The following PDE7A variants were observed in gnomAD, a reference collection of about 807,000 sequenced individuals.
PDE7A encodes the protein phosphodiesterase 7A, also known as high affinity 3',5'-cyclic-AMP phosphodiesterase 7A.
Under a neutral mutation model 64.3 loss-of-function variants are expected in PDE7A, and 39 were observed. The observed-to-expected ratio is 0.61, with a 90% CI of 0.47 to 0.79. PDE7A has a LOEUF of 0.79. Among genes scored for constraint, PDE7A ranks in the 30% least tolerant of loss-of-function variants. The probability of loss-of-function intolerance (pLI) is 0.00; values close to 1 mark genes in which losing one functional copy is unlikely to be tolerated. For synonymous variants in PDE7A, 203 were observed against 206.8 expected, an observed-to-expected ratio of 0.98 and a Z score of 0.16; for missense variants, 470 against 582.8, an observed-to-expected ratio of 0.81 and a Z score of 1.99.
In PDE7A at chr8:65,811,963, T is replaced by C. The variant is rs186995194; in HGVS notation, c.139-29120A>G. Among the ~76,000 whole-genome samples, 57 of 152,172 alleles carry C rather than the reference T, an allele frequency of 3.7e-4. No individual in the cohort carries two copies. The East Asian group carries it at 0.01, about 28-fold the overall frequency. ...GGCTCACACCTGTAATCCCAGCACT[T>C]TGGGAGGCCAAGGCAAGTGGATCAG... On this transcript the variant is annotated intron_variant, in intron 1 of 12. Transcript: ENST00000401827.
At chr8:65,753,059 ATTGT>A (rs1406983056) in intron 3 of PDE7A, among the ~76,000 whole-genome samples, 3 of 152,140 alleles carry the variant, frequency 2.0e-5, no homozygotes, top group Admixed American at 6.5e-5. Context: ...TGGTAAAGCT[ATTGT>A]TTAATTTAAT....
In PDE7A at chr8:65,745,429, A is replaced by T; in HGVS notation, c.477T>A (p.Phe159Leu). ...EKVGNWNFDI[F>L]LFDRLTNGNS... ...TACCATTTGTTAGTCTATCAAATAGAAAGATATCAAAATTCCAATTTCCAA... is the reference window on the plus strand; with the variant it reads ...TACCATTTGTTAGTCTATCAAATAGTAAGATATCAAAATTCCAATTTCCAA... The change falls in exon 5 of 13, where the codon TTT (phenylalanine) becomes TTA (leucine). Residue 159 changes from phenylalanine (F) to leucine (L), a missense_variant. Coordinates refer to ENST00000401827, the MANE Select transcript of PDE7A (RefSeq NM_001242318.3). 1 of 1,571,360 alleles carries T rather than the reference A, an allele frequency of 6.4e-7. No homozygotes were observed.
Position 65,715,107 on chromosome 8 carries a change from G to T in PDE7A, c.*4183C>A, listed in dbSNP as rs1806079368. Among the ~76,000 whole-genome samples, 1 of 152,052 alleles carries T rather than the reference G, an allele frequency of 6.6e-6. No individual in the cohort carries two copies. Among genetic ancestry groups the T allele is most frequent in the Non-Finnish European group, 1.5e-5 (1 of 68,004 alleles). ...GTGGCCATGTGTGTGAAAATTTTTAGTCTCCCATGTAAAATAAATTTTGCA... is the reference window on the plus strand; with the variant it reads ...GTGGCCATGTGTGTGAAAATTTTTATTCTCCCATGTAAAATAAATTTTGCA... On this transcript the variant is annotated 3_prime_UTR_variant, in exon 13 of 13. Transcript: ENST00000401827.
Position 65,771,415 on chromosome 8 carries a change from GAAGAA to G in PDE7A, c.283+8300_283+8304del, listed in dbSNP as rs749454378. On this transcript the variant is annotated intron_variant, in intron 3 of 12. Transcript: ENST00000401827. Reference sequence around the variant, plus strand: ...GCAGCACCCACAGATACAGCACATAGAAGAAATTAAAAAATTATGAATAGTTTTAA... The same window carrying G: ...GCAGCACCCACAGATACAGCACATAGATTAAAAAATTATGAATAGTTTTAA... Among the ~76,000 whole-genome samples, 30 of 152,104 alleles carry G rather than the reference GAAGAA, an allele frequency of 2.0e-4. No individual in the cohort carries two copies. The East Asian group carries it at 4.4e-3, about 22-fold the overall frequency.
chr8:65,767,608 A>G (rs964458489), intron 3 of PDE7A, among the ~76,000 whole-genome samples: 8 of 151,906 alleles, frequency 5.3e-5, no homozygotes, highest in African/African-American at 1.9e-4. Context: ...CTTGCCCCAT[A>G]CCCTGGGGGA....
intron 1 of PDE7A, among the ~76,000 whole-genome samples, chr8:65,832,304 A>C (rs1563524441): frequency 6.6e-6 from 1 of 152,350 alleles, no homozygotes; most frequent in African/African-American, 2.4e-5. Context: ...ACTATACTAC[A>C]TAATACTATA....
rs772286911 is a variant in PDE7A at position 65,726,980 on chromosome 8, C to T, written c.829-14G>A. On this transcript the variant is annotated splice_polypyrimidine_tract_variant and intron_variant, in intron 8 of 12. Transcript: ENST00000401827. ...TACTGAGGTATTCTACAACAAAGGA[C>T]GTTTCTGAGTTACTTAATGATACGT... 1.1e-5 allele frequency: 16 copies of T among 1,439,154 alleles called. No individual in the cohort carries two copies. The highest frequency in any genetic ancestry group is 1.7e-4 in the Middle Eastern group (1 of 5,736). 89.1% of individuals were successfully genotyped at this position (1,439,154 alleles called of 1,614,324 possible).
intron 5 of PDE7A, among the ~76,000 whole-genome samples, chr8:65,743,884 G>A (rs1294712289): frequency 6.6e-6 from 1 of 151,594 alleles, no homozygotes; most frequent in African/African-American, 2.4e-5. Flanking sequence ...CCAGGCTGGA[G>A]TGCAATGGCG....
intron 3 of PDE7A, among the ~76,000 whole-genome samples, chr8:65,778,144 C>T (rs1224729009): frequency 2.0e-5 from 3 of 152,182 alleles, no homozygotes; most frequent in Non-Finnish European, 4.4e-5. Flanking sequence ...CTCCATGACC[C>T]TGAGCAAGCT....
chr8:65,831,763 G>A lies in PDE7A; in HGVS notation c.138+9608C>T, dbSNP rs185533584. On this transcript the variant is annotated intron_variant, in intron 1 of 12. Coordinates refer to ENST00000401827, the MANE Select transcript of PDE7A (RefSeq NM_001242318.3). Reference sequence around the variant, plus strand: ...TGCTGTCTCAACAGTCACTGGTTGAGAATTTATAAACTCATGAGCTGCCCA... The same window carrying A: ...TGCTGTCTCAACAGTCACTGGTTGAAAATTTATAAACTCATGAGCTGCCCA... Among the ~76,000 whole-genome samples, 434 of 152,224 alleles carry A rather than the reference G, an allele frequency of 2.9e-3. 2 individuals carry two copies. Among genetic ancestry groups the A allele is most frequent in the Non-Finnish European group, 3.4e-3 (228 of 68,010 alleles).
At chr8:65,770,701 C>T (rs550144885) in intron 3 of PDE7A, among the ~76,000 whole-genome samples, 3 of 152,272 alleles carry the variant, frequency 2.0e-5, no homozygotes, top group African/African-American at 7.2e-5. Flanking sequence ...ATGATGACTC[C>T]ATTTGCATAC....
chr8:65,789,953 G>GT (rs1260896155), intron 1 of PDE7A, among the ~76,000 whole-genome samples: 1 of 152,238 alleles, frequency 6.6e-6, no homozygotes, highest in African/African-American at 2.4e-5. Context: ...AATTGCAACT[G>GT]TAACAAATGC....
In PDE7A at chr8:65,727,309, G is replaced by A. The variant is rs1372287699; in HGVS notation, c.697-8C>T. ...AGTTACAGAATTGGCAAGCTGAAGT[G>A]TGACAAAAGAATAATGAATCACAGA... is the stretch of plus-strand genomic sequence containing the variant. On this transcript the variant is annotated splice_polypyrimidine_tract_variant and splice_region_variant and intron_variant, in intron 7 of 12. Coordinates refer to ENST00000401827, the MANE Select transcript of PDE7A (RefSeq NM_001242318.3). 1 of 1,611,926 alleles carries A rather than the reference G, an allele frequency of 6.2e-7. No homozygotes were observed.
chr8:65,760,200 A>G (rs1286611963), intron 3 of PDE7A, among the ~76,000 whole-genome samples: 1 of 152,204 alleles, frequency 6.6e-6, no homozygotes, highest in Non-Finnish European at 1.5e-5. Flanking sequence ...AGATCGTGCT[A>G]CTGCACTCCA....
intron 5 of PDE7A, among the ~76,000 whole-genome samples, chr8:65,744,201 G>A (rs1490607349): frequency 6.6e-6 from 1 of 150,944 alleles, no homozygotes; most frequent in Non-Finnish European, 1.5e-5. Flanking sequence ...GAGATGCTTA[G>A]TTGTGTTACA....
At chr8:65,815,265 A>T (rs1053719564) in intron 1 of PDE7A, among the ~76,000 whole-genome samples, 1 of 152,212 alleles carries the variant, frequency 6.6e-6, no homozygotes, top group Non-Finnish European at 1.5e-5. Flanking sequence ...CTAACTTATA[A>T]GAGCCATTAA....
At chr8:65,823,385 T>C (rs1810588264) in intron 1 of PDE7A, among the ~76,000 whole-genome samples, 1 of 152,190 alleles carries the variant, frequency 6.6e-6, no homozygotes, top group African/African-American at 2.4e-5. Context: ...TCTTGTATGT[T>C]ATTATTATTT....
At chr8:65,769,247 C>CAAAAAAAA (rs61554087) in intron 3 of PDE7A, among the ~76,000 whole-genome samples, 4 of 74,448 alleles carry the variant, frequency 5.4e-5, no homozygotes, top group Non-Finnish European at 7.8e-5. Flanking sequence ...GACTCAGTCT[C>CAAAAAAAA]AAAAAAAAAA....
At chr8:65,833,072 G>T (rs1810871231) in intron 1 of PDE7A, among the ~76,000 whole-genome samples, 1 of 152,284 alleles carries the variant, frequency 6.6e-6, no homozygotes, top group South Asian at 2.1e-4. Context: ...TAGGAAGAGT[G>T]CACAGCAATC....
Sources: gnomAD v4.1 joint callset for allele counts (sites outside exome capture counted in the v4.1 genomes callset) on GRCh38, gnomAD v4.1.1 for gene constraint, MANE v1.5 for transcripts, NCBI Gene and HGNC (gene_info 2026-07-23, HGNC 2026-07-21) for gene names.